Variants in SNX6 observed in about 807,000 individuals in gnomAD.
SNX6 encodes the protein sorting nexin-6.
A neutral mutation model predicts 63.0 loss-of-function variants in SNX6; 34 were observed. The ratio of observed to expected loss-of-function variants is 0.54; its 90% CI spans 0.41 to 0.72. SNX6 has a LOEUF of 0.72. Ranked by LOEUF, SNX6 falls within the 30% of genes least tolerant of loss-of-function variation. SNX6 has a pLI of 0.00. For synonymous variants in SNX6, 170 were observed against 164.2 expected (o/e 1.04, Z -0.27); for missense variants, 398 against 471.4 (o/e 0.84, Z 1.44).
chr14:34,585,442 C>T (rs927257769), intron 9 of SNX6, among the ~76,000 whole-genome samples: 6 of 151,996 alleles, frequency 3.9e-5, no homozygotes, highest in African/African-American at 7.2e-5. Context: ...ACTGCTTGAA[C>T]GTGGAAGGAG....
At chr14:34,568,615 G>C (rs1008950158) in intron 11 of SNX6, 6 of 661,148 alleles carry the variant, frequency 9.1e-6, no homozygotes, top group Non-Finnish European at 1.6e-5. Flanking sequence ...TTACAAGCGT[G>C]AGCCACTGCA....
At chr14:34,600,576 C>T (rs1226327216) in intron 6 of SNX6, among the ~76,000 whole-genome samples, 1 of 152,050 alleles carries the variant, frequency 6.6e-6, no homozygotes, top group Admixed American at 6.6e-5. Flanking sequence ...CTACAACTGG[C>T]CCAAATTCTT....
At chr14:34,587,736 A>G in intron 8 of SNX6, among the ~76,000 whole-genome samples, 1 of 150,242 alleles carries the variant, frequency 6.7e-6, no homozygotes, top group Non-Finnish European at 1.5e-5. Flanking sequence ...GGCTCAAGTG[A>G]TTCTCCCACC....
At chr14:34,597,776 T>G in intron 6 of SNX6, 131 bp from the exon 7 acceptor site, 2 of 589,442 alleles carry the variant, frequency 3.4e-6, no homozygotes, top group Non-Finnish European at 5.9e-6. Context: ...AATTTCATCA[T>G]GCACATCAAT....
At chr14:34,619,143 G>A (rs1883530825) in intron 2 of SNX6, among the ~76,000 whole-genome samples, 1 of 152,148 alleles carries the variant, frequency 6.6e-6, no homozygotes, top group African/African-American at 2.4e-5. Context: ...AATTTGATTG[G>A]CCAGGCGCAG....
At chr14:34,572,570 T>C (rs1347746363) in intron 11 of SNX6, among the ~76,000 whole-genome samples, 4 of 152,174 alleles carry the variant, frequency 2.6e-5, no homozygotes, top group Non-Finnish European at 5.9e-5. Flanking sequence ...TCAGCATCAG[T>C]GATCAGGTGG....
At chr14:34,625,745 A>T (rs961848265) in intron 2 of SNX6, among the ~76,000 whole-genome samples, 21 of 151,776 alleles carry the variant, frequency 1.4e-4, no homozygotes, top group African/African-American at 4.6e-4. Flanking sequence ...AAAAAATTTA[A>T]AAAAAAAATG....
chr14:34,618,866 C>A (rs1242454613), intron 2 of SNX6, among the ~76,000 whole-genome samples: 1 of 152,176 alleles, frequency 6.6e-6, no homozygotes, highest in East Asian at 1.9e-4. Flanking sequence ...CTACTCCTCC[C>A]TCATTTTTCT....
chr14:34,568,712 C>T (rs1881304356), intron 11 of SNX6: 1 of 907,308 alleles, frequency 1.1e-6, no homozygotes, highest in Admixed American at 1.8e-5. Flanking sequence ...TTGGCAACTG[C>T]CACCTGTCCA....
chr14:34,584,418 C>T (rs1056604940), intron 9 of SNX6, among the ~76,000 whole-genome samples: 10 of 151,800 alleles, frequency 6.6e-5, no homozygotes, highest in African/African-American at 1.9e-4. Flanking sequence ...TCTCACGCCT[C>T]AGCCTCTCAA....
At chr14:34,575,428 G>A (rs1386320270) in intron 11 of SNX6, among the ~76,000 whole-genome samples, 2 of 152,030 alleles carry the variant, frequency 1.3e-5, no homozygotes, top group Non-Finnish European at 2.9e-5. Context: ...TTGAACTCCT[G>A]ACGTCAGGTG....
At chr14:34,567,659 A>T in intron 13 of SNX6, 27 bp downstream of exon 13, 1 of 1,551,450 alleles carries the variant, frequency 6.4e-7, no homozygotes, top group Non-Finnish European at 8.9e-7. Flanking sequence ...TGTAACTTAA[A>T]TTATTAAATC....
chr14:34,570,631 C>G (rs1377718492), intron 11 of SNX6, among the ~76,000 whole-genome samples: 1 of 151,486 alleles, frequency 6.6e-6, no homozygotes, highest in Admixed American at 6.6e-5. Flanking sequence ...CCATGTTGGC[C>G]AGGCTGGTCT....
intron 2 of SNX6, among the ~76,000 whole-genome samples, chr14:34,613,662 G>A (rs936154545): frequency 3.3e-5 from 5 of 151,808 alleles, no homozygotes; most frequent in Admixed American, 2.0e-4. Context: ...GCGTGGTGGC[G>A]GGTGACTGAA....
chr14:34,616,805 G>C (rs1231301064), intron 2 of SNX6, among the ~76,000 whole-genome samples: 1 of 152,122 alleles, frequency 6.6e-6, no homozygotes, highest in African/African-American at 2.4e-5. Context: ...GGGTGTGGTG[G>C]CTCATGCCTG....
intron 6 of SNX6, among the ~76,000 whole-genome samples, chr14:34,600,362 G>A (rs763428848): frequency 2.0e-5 from 3 of 152,072 alleles, no homozygotes; most frequent in Non-Finnish European, 2.9e-5. Context: ...CTGGCCTCAA[G>A]TGAATACCTT....
At chr14:34,623,502 A>C (rs570397043) in intron 2 of SNX6, among the ~76,000 whole-genome samples, 1 of 152,328 alleles carries the variant, frequency 6.6e-6, no homozygotes, top group South Asian at 2.1e-4. Context: ...TAATCATTTT[A>C]GTAATATAAG....
At chr14:34,625,223 C>CT (rs1409858977) in intron 2 of SNX6, among the ~76,000 whole-genome samples, 1 of 152,054 alleles carries the variant, frequency 6.6e-6, no homozygotes, top group African/African-American at 2.4e-5. Flanking sequence ...CCAAGACTCC[C>CT]TTTCTTAAAA....
chr14:34,590,489 C>G (rs892465544), intron 8 of SNX6, among the ~76,000 whole-genome samples: 4 of 151,678 alleles, frequency 2.6e-5, no homozygotes, highest in African/African-American at 9.7e-5. Flanking sequence ...GATGTTGAAC[C>G]TCAACAGTCA....
Sources: gnomAD v4.1 joint callset for allele counts (sites outside exome capture counted in the v4.1 genomes callset) on GRCh38, gnomAD v4.1.1 for gene constraint, MANE v1.5 for transcripts, NCBI Gene and HGNC (gene_info 2026-07-23, HGNC 2026-07-21) for gene names.